Variants in SRXN1 observed in about 807,000 individuals in gnomAD.
SRXN1 encodes sulfiredoxin 1, also known as sulfiredoxin-1.
In SRXN1, 11 loss-of-function variants were observed where a neutral mutation model predicts 11.0. That is an observed-to-expected ratio of 1.00 (90% confidence interval 0.63 to 1.65). The LOEUF is 1.65. SRXN1 is among the 40% of genes most tolerant of loss of function. SRXN1 has a pLI of 0.00. For synonymous variants in SRXN1, 106 were observed against 92.8 expected, an observed-to-expected ratio of 1.14 and a Z score of -0.82; for missense variants, 211 against 194.5, an observed-to-expected ratio of 1.08 and a Z score of -0.50.
Position 653,032 on chromosome 20 carries a change from G to A in SRXN1, c.154C>T (p.Pro52Ser), listed in dbSNP as rs1983716600. 3 of 1,570,502 alleles carry A rather than the reference G, an allele frequency of 1.9e-6. No individual in the cohort carries two copies. Among genetic ancestry groups the A allele is most frequent in the East Asian group, 2.4e-5 (1 of 42,020 alleles). ...HNVPLSVLIR[P>S]LPSVLDPAKV... ...GCGGGGTCCAACACGGACGGCAGCG[G>A]CCGGATGAGCACGCTCAGCGGCACG... is the stretch of plus-strand genomic sequence containing the variant. Residue 52 changes from proline (P) to serine (S), a missense_variant, in exon 1 of 2, where the codon CCG becomes TCG. Pro to Ser is a moderately conservative substitution (Grantham distance 74). Transcript: ENST00000381962.
chr20:652,297 C>T (rs1983692208), intron 1 of SRXN1, among the ~76,000 whole-genome samples: 2 of 152,004 alleles, frequency 1.3e-5, no homozygotes, highest in South Asian at 2.1e-4. Context: ...TTCCAAGGGT[C>T]GGGGGAAGGG....
chr20:649,332 A>G (rs1256209700), intron 1 of SRXN1, among the ~76,000 whole-genome samples: 4 of 152,360 alleles, frequency 2.6e-5, no homozygotes, highest in Admixed American at 6.5e-5. Context: ...TATAATGACA[A>G]TAACACAGGT....
At chr20:652,046 G>A (rs1283140414) in intron 1 of SRXN1, among the ~76,000 whole-genome samples, 2 of 152,218 alleles carry the variant, frequency 1.3e-5, no homozygotes, top group Non-Finnish European at 2.9e-5. Flanking sequence ...ATAATTTCTG[G>A]TGGACATAAG....
chr20:647,236 C>T lies in SRXN1; in HGVS notation c.*1478G>A, dbSNP rs1983556504. 6.6e-6 allele frequency: 1 copy of T among 152,296 alleles called. No individual in the cohort carries two copies. The highest frequency in any genetic ancestry group is 1.5e-5 in the Non-Finnish European group (1 of 68,078). 9.4% of individuals were successfully genotyped at this position (152,296 alleles called of 1,614,324 possible). On this transcript the variant is annotated 3_prime_UTR_variant, in exon 2 of 2. Coordinates refer to ENST00000381962, the MANE Select transcript of SRXN1 (RefSeq NM_080725.3). ...TAGACCCTGAGGGCCAGGACAATGTCTTAGTGCCTTCCAACTTGGCAGAGT... is the reference window on the plus strand; with the variant it reads ...TAGACCCTGAGGGCCAGGACAATGTTTTAGTGCCTTCCAACTTGGCAGAGT...
Position 648,186 on chromosome 20 carries a change from G to A in SRXN1, c.*528C>T, listed in dbSNP as rs1983582172. 2.2e-6 allele frequency: 1 copy of A among 456,138 alleles called. No homozygotes were observed. 28.3% of individuals were successfully genotyped at this position (456,138 alleles called of 1,614,324 possible). A position where few individuals can be genotyped will look rare whatever the true frequency, so the allele number is the denominator to read the frequency against. Reference sequence around the variant, plus strand: ...CTTGGGGATACAGCAGCCATCTTGGGACCATGAAGTAACGAGCACTGAGAT... The same window carrying A: ...CTTGGGGATACAGCAGCCATCTTGGAACCATGAAGTAACGAGCACTGAGAT... On this transcript the variant is annotated 3_prime_UTR_variant, in exon 2 of 2. Coordinates refer to ENST00000381962, the MANE Select transcript of SRXN1 (RefSeq NM_080725.3).
At position 648,887 on chromosome 20, in the gene SRXN1, C is replaced by T. The variant is rs370966617; in HGVS notation, c.241G>A (p.Val81Ile). The stretch of plus-strand genomic sequence containing the variant: ...CCCTGGGCCCCTTTGATCCAGAGGA[C>T]ATCGATGGGGGGCACGCTGTCTGGG... ...EDPDSVPPID[V>I]LWIKGAQGGD... The change falls in exon 2 of 2, where the codon GTC becomes ATC. Residue 81 changes from valine to isoleucine, a missense_variant. Physicochemically the swap from Val to Ile is conservative, Grantham distance 29. Coordinates refer to ENST00000381962, the MANE Select transcript of SRXN1 (RefSeq NM_080725.3). 3 of 1,614,166 alleles carry T rather than the reference C, an allele frequency of 1.9e-6. No homozygotes were observed. The highest frequency in any genetic ancestry group is 2.7e-5 in the African/African-American group (2 of 75,036).
In SRXN1 at chr20:646,623, T is replaced by C. The variant is rs1983540025; in HGVS notation, c.*2091A>G. The C allele has an allele frequency of 6.6e-6, 1 of 151,690 alleles. No individual in the cohort carries two copies. 9.4% of individuals were successfully genotyped at this position (151,690 alleles called of 1,614,324 possible). On this transcript the variant is annotated 3_prime_UTR_variant, in exon 2 of 2. Coordinates refer to ENST00000381962, the MANE Select transcript of SRXN1 (RefSeq NM_080725.3). Reference sequence around the variant, plus strand: ...GAATTGCACACCCCCCCTTTTTTTTTTTAAATTAAATAAACTTTTATTTTG... The same window carrying C: ...GAATTGCACACCCCCCCTTTTTTTTCTTAAATTAAATAAACTTTTATTTTG...
chr20:650,343 A>G (rs1240327133), intron 1 of SRXN1, among the ~76,000 whole-genome samples: 1 of 152,048 alleles, frequency 6.6e-6, no homozygotes, highest in Non-Finnish European at 1.5e-5. Context: ...CAGGTTTGGG[A>G]CACATTTACG....
At position 647,645 on chromosome 20, in the gene SRXN1, G is replaced by A. The variant is rs1983564190; in HGVS notation, c.*1069C>T. ...AGCCTGTCACCTGCCAGGCAAGTGAGTAAGGCTATCCTAGACCATCCAGGC... is the reference window on the plus strand; with the variant it reads ...AGCCTGTCACCTGCCAGGCAAGTGAATAAGGCTATCCTAGACCATCCAGGC... On this transcript the variant is annotated 3_prime_UTR_variant, in exon 2 of 2. Transcript: ENST00000381962. The A allele has an allele frequency of 5.2e-6, 1 of 192,206 alleles. No individual in the cohort carries two copies. The allele number at this position is 192,206 out of a possible 1,614,324, so 11.9% of individuals were successfully genotyped here. A position where few individuals can be genotyped will look rare whatever the true frequency, so the allele number is the denominator to read the frequency against.
In SRXN1 at chr20:648,626, C is replaced by T. The variant is rs1273112562; in HGVS notation, c.*88G>A. ...CGCCAGGTGCAAAGAGAATGCACCC[C>T]TGCTATCCCTTCTGCATGGCCCAGC... On this transcript the variant is annotated 3_prime_UTR_variant, in exon 2 of 2. Transcript: ENST00000381962. 1 of 1,453,160 alleles carries T rather than the reference C, an allele frequency of 6.9e-7. No homozygotes were observed. Among genetic ancestry groups the T allele is most frequent in the Non-Finnish European group, 9.6e-7 (1 of 1,043,784 alleles). 90.0% of individuals were successfully genotyped at this position (1,453,160 alleles called of 1,614,324 possible).
intron 1 of SRXN1, among the ~76,000 whole-genome samples, chr20:652,683 G>T (rs1385683366): frequency 1.3e-5 from 2 of 152,174 alleles, no homozygotes; most frequent in Non-Finnish European, 2.9e-5. Context: ...ACCTCCTAGG[G>T]TTGGCATAGG....
chr20:650,232 G>A (rs1222643400), intron 1 of SRXN1, among the ~76,000 whole-genome samples: 2 of 152,196 alleles, frequency 1.3e-5, no homozygotes, highest in African/African-American at 4.8e-5. Context: ...TTGGCAGGGT[G>A]GACAGGGCAC....
rs1983584263 is a variant in SRXN1, at chr20:648,238, C to T, written c.*476G>A. 2.2e-6 allele frequency: 1 copy of T among 456,498 alleles called. No homozygotes were observed. Among genetic ancestry groups the T allele is most frequent in the Admixed American group, 2.3e-5 (1 of 42,584 alleles). 28.3% of individuals were successfully genotyped at this position (456,498 alleles called of 1,614,324 possible). ...AAGGCAAAAGGATCCAAGACGTGAC[C>T]CCTACCTTCGTGGAGTTGTTGAACC... On this transcript the variant is annotated 3_prime_UTR_variant, in exon 2 of 2. Coordinates refer to ENST00000381962, the MANE Select transcript of SRXN1 (RefSeq NM_080725.3).
intron 1 of SRXN1, 99 bp downstream of exon 1, chr20:652,877 A>G (rs1223541876): frequency 7.7e-6 from 10 of 1,302,628 alleles, no homozygotes; most frequent in Non-Finnish European, 9.8e-6. Context: ...TGGGCCCGGA[A>G]CCAGTCCGTC....
Position 647,506 on chromosome 20 carries a change from G to C in SRXN1, c.*1208C>G, listed in dbSNP as rs1426715305. The C allele has an allele frequency of 6.3e-6, 1 of 159,540 alleles. No homozygotes were observed. Among genetic ancestry groups the C allele is most frequent in the Non-Finnish European group, 1.4e-5 (1 of 72,336 alleles). The allele number at this position is 159,540 out of a possible 1,614,324, so 9.9% of individuals were successfully genotyped here. A position where few individuals can be genotyped will look rare whatever the true frequency, so the allele number is the denominator to read the frequency against. ...CAGTTCCAGGCCAAGAACTCAAGAA[G>C]TCTTTCAGCTTCTACTCTCACTCTC... is the stretch of plus-strand genomic sequence containing the variant. On this transcript the variant is annotated 3_prime_UTR_variant, in exon 2 of 2. Coordinates refer to ENST00000381962, the MANE Select transcript of SRXN1 (RefSeq NM_080725.3).
At chr20:652,943 C>A in intron 1 of SRXN1, 33 bp downstream of exon 1, 1 of 1,397,516 alleles carries the variant, frequency 7.2e-7, no homozygotes, top group Non-Finnish European at 9.4e-7. Context: ...CCGAAGCCCT[C>A]CCTCCGGTTG....
chr20:651,851 G>A (rs1027976852), intron 1 of SRXN1, among the ~76,000 whole-genome samples: 2 of 152,100 alleles, frequency 1.3e-5, no homozygotes, highest in Admixed American at 6.5e-5. Flanking sequence ...GATAGAAGAG[G>A]TTCTCAACGG....
chr20:653,020 C>G lies in SRXN1; in HGVS notation c.166G>C (p.Val56Leu). Residue 56 changes from valine to leucine, a missense_variant, in exon 1 of 2, where the codon GTG (valine) becomes CTG (leucine). Coordinates refer to ENST00000381962, the MANE Select transcript of SRXN1 (RefSeq NM_080725.3). ...LSVLIRPLPS[V>L]LDPAKVQSLV... Reference sequence around the variant, plus strand: ...CTCTGCACCTTGGCGGGGTCCAACACGGACGGCAGCGGCCGGATGAGCACG... The same window carrying G: ...CTCTGCACCTTGGCGGGGTCCAACAGGGACGGCAGCGGCCGGATGAGCACG... 4 of 1,571,440 alleles carry G rather than the reference C, an allele frequency of 2.5e-6. No homozygotes were observed. The highest frequency in any genetic ancestry group is 1.7e-4 in the Middle Eastern group (1 of 5,974).
At chr20:652,225 G>A (rs919218480) in intron 1 of SRXN1, among the ~76,000 whole-genome samples, 1 of 152,142 alleles carries the variant, frequency 6.6e-6, no homozygotes, top group Non-Finnish European at 1.5e-5. Flanking sequence ...TACTAGGACT[G>A]AAAGTTATCG....
Sources: allele counts gnomAD v4.1 joint callset (sites outside exome capture counted in the v4.1 genomes callset), GRCh38; gene constraint gnomAD v4.1.1; transcripts MANE v1.5; gene names NCBI Gene and HGNC (gene_info 2026-07-23, HGNC 2026-07-21).